The following HECW2 variants were observed in gnomAD, a reference collection of about 807,000 sequenced individuals.
HECW2 encodes the protein E3 ubiquitin-protein ligase HECW2.
HECW2 carries 61 observed loss-of-function variants against 175.2 expected under a neutral mutation model. That is an observed-to-expected ratio of 0.35 (90% confidence interval 0.28 to 0.43). The LOEUF (loss-of-function observed/expected upper bound fraction) is 0.43, where lower values mean the gene tolerates loss of function less well. Ranked by LOEUF, HECW2 falls within the 20% of genes least tolerant of loss-of-function variation. The pLI, the probability that HECW2 is intolerant of heterozygous loss-of-function variation, is 1.00. For synonymous variants in HECW2, 671 were observed against 731.0 expected (o/e 0.92, Z 1.32); for missense variants, 1,524 against 2,000.5 (o/e 0.76, Z 4.54).
chr2:196,511,033 T>C (rs1687935050), intron 1 of HECW2, among the ~76,000 whole-genome samples: 1 of 152,202 alleles, frequency 6.6e-6, no homozygotes, highest in African/African-American at 2.4e-5. Flanking sequence ...TGGTGTGATC[T>C]TGGCTCACAG....
intron 10 of HECW2, 64 bp downstream of exon 10, chr2:196,317,210 T>C: frequency 1.6e-6 from 2 of 1,217,940 alleles, no homozygotes; most frequent in Non-Finnish European, 1.2e-6. Context: ...CTCATGGGAA[T>C]GGGTCTGCCT....
intron 23 of HECW2, among the ~76,000 whole-genome samples, chr2:196,225,258 G>GT: frequency 6.6e-6 from 1 of 152,186 alleles, no homozygotes; most frequent in Non-Finnish European, 1.5e-5. Context: ...CATAGAGAAA[G>GT]TTTAAGAAAC....
At chr2:196,512,520 C>G (rs545164468) in intron 1 of HECW2, among the ~76,000 whole-genome samples, 1 of 151,786 alleles carries the variant, frequency 6.6e-6, no homozygotes, top group Admixed American at 6.6e-5. Flanking sequence ...GCTTTTCAAG[C>G]AGCCAGGACT....
At chr2:196,232,881 C>T (rs527978357) in intron 21 of HECW2, among the ~76,000 whole-genome samples, 1 of 152,296 alleles carries the variant, frequency 6.6e-6, no homozygotes, top group African/African-American at 2.4e-5. Flanking sequence ...TTCAACTGGT[C>T]AAGTTTTTAT....
rs192233216 is a variant in HECW2 at position 196,214,823 on chromosome 2, A to G, written c.4607+1042T>C. On this transcript the variant is annotated intron_variant, in intron 28 of 28. Transcript: ENST00000644978. ...TTCAATTGCTAAGAAGAAAGCTTTG[A>G]TAACAGATTGCTCAGTTGCTTGTAC... Among the ~76,000 whole-genome samples, 371 of 152,350 alleles carry G rather than the reference A, an allele frequency of 2.4e-3. 4 individuals are homozygous for G. The highest frequency in any genetic ancestry group is 8.5e-3 in the African/African-American group (352 of 41,572).
intron 10 of HECW2, among the ~76,000 whole-genome samples, chr2:196,310,789 T>TGTGTGTGTGTGTGTGTGTGTGTGTGTGTG (rs1559030489): frequency 6.6e-6 from 1 of 151,436 alleles, no homozygotes; most frequent in African/African-American, 2.4e-5. Context: ...TGTGTGTGTG[T>TGTGTGTGTGTGTGTGTGTGTGTGTGTGTG]TTTGCACTGA....
chr2:196,402,316 G>T (rs1694844627), intron 2 of HECW2, among the ~76,000 whole-genome samples: 1 of 151,876 alleles, frequency 6.6e-6, no homozygotes, highest in African/African-American at 2.4e-5. Context: ...CTATATACTG[G>T]CCCTTTAACA....
intron 13 of HECW2, among the ~76,000 whole-genome samples, chr2:196,302,287 A>G (rs11902488): frequency 0.21 from 32,033 of 151,928 alleles, 3,664 homozygotes; most frequent in Middle Eastern, 0.28. Context: ...TTTGGTTACT[A>G]GTATAGTTGT....
intron 1 of HECW2, among the ~76,000 whole-genome samples, chr2:196,521,282 C>CAAAAAAAAAAAAAAAAAAAAA (rs1158051512): frequency 5.2e-4 from 28 of 53,684 alleles, no homozygotes; most frequent in East Asian, 1.5e-3. Context: ...ACGTGAGTAA[C>CAAAAAAAAAAAAAAAAAAAAA]AAAAAAAAAA....
At chr2:196,428,844 G>C (rs979326970) in intron 2 of HECW2, among the ~76,000 whole-genome samples, 1 of 152,130 alleles carries the variant, frequency 6.6e-6, no homozygotes, top group African/African-American at 2.4e-5. Flanking sequence ...AGCTGTGTTA[G>C]TGGCTCTATT....
At chr2:196,497,901 G>A (rs191349016) in intron 1 of HECW2, among the ~76,000 whole-genome samples, 21 of 152,284 alleles carry the variant, frequency 1.4e-4, no homozygotes, top group South Asian at 4.1e-4. Flanking sequence ...ACATTAGATC[G>A]TACTCTTTTT....
At chr2:196,503,123 T>G (rs149577544) in intron 1 of HECW2, among the ~76,000 whole-genome samples, 2 of 152,230 alleles carry the variant, frequency 1.3e-5, no homozygotes, top group African/African-American at 4.8e-5. Flanking sequence ...GAAATTCCAT[T>G]CACATCTCTG....
chr2:196,527,219 C>T (rs903713009), intron 1 of HECW2, among the ~76,000 whole-genome samples: 11 of 152,220 alleles, frequency 7.2e-5, no homozygotes, highest in South Asian at 2.1e-4. Context: ...GCGCAATATT[C>T]GGGTGGGAGT....
chr2:196,439,102 C>T (rs2178069), intron 1 of HECW2, among the ~76,000 whole-genome samples: 144,027 of 152,342 alleles, frequency 0.95, 68,207 homozygotes, highest in East Asian at 1. Context: ...AATTTATTTA[C>T]CTATTAAATG....
At chr2:196,514,158 G>A (rs977490343) in intron 1 of HECW2, among the ~76,000 whole-genome samples, 1 of 152,232 alleles carries the variant, frequency 6.6e-6, no homozygotes, top group Non-Finnish European at 1.5e-5. Flanking sequence ...AGAAGTACCT[G>A]TTCCAACTGC....
intron 1 of HECW2, among the ~76,000 whole-genome samples, chr2:196,465,443 T>C (rs1696913344): frequency 6.6e-6 from 1 of 152,146 alleles, no homozygotes; most frequent in African/African-American, 2.4e-5. Context: ...GATTCAGTGT[T>C]CTTAGTCCTC....
chr2:196,433,106 A>G (rs1695763101), intron 2 of HECW2, 26 bp downstream of exon 2: 1 of 1,573,178 alleles, frequency 6.4e-7, no homozygotes, highest in Non-Finnish European at 8.6e-7. Flanking sequence ...TCTGAGTCAC[A>G]TGCAAGTCCA....
At chr2:196,358,806 C>T (rs1693480874) in intron 2 of HECW2, among the ~76,000 whole-genome samples, 1 of 152,026 alleles carries the variant, frequency 6.6e-6, no homozygotes. Flanking sequence ...CTTTCTTAAT[C>T]CATAGATGCC....
At chr2:196,251,453 T>C (rs561241377) in intron 19 of HECW2, among the ~76,000 whole-genome samples, 60 of 152,326 alleles carry the variant, frequency 3.9e-4, no homozygotes, top group African/African-American at 1.4e-3. Context: ...ACCTCTCCTG[T>C]GCGCCATGGC....
Sources: gnomAD v4.1 joint callset for allele counts (sites outside exome capture counted in the v4.1 genomes callset) on GRCh38, gnomAD v4.1.1 for gene constraint, MANE v1.5 for transcripts, NCBI Gene and HGNC (gene_info 2026-07-23, HGNC 2026-07-21) for gene names.